CLPB: variants seen among roughly 807,000 people sequenced by gnomAD.
The protein encoded by CLPB is mitochondrial disaggregase.
CLPB carries 40 observed loss-of-function variants against 78.4 expected under a neutral mutation model. The ratio of observed to expected loss-of-function variants is 0.51; its 90% CI spans 0.40 to 0.66. CLPB has a LOEUF of 0.66. CLPB is among the 30% of genes least tolerant of loss of function. CLPB has a pLI of 0.00. For synonymous variants in CLPB, 333 were observed against 348.0 expected (o/e 0.96, Z 0.48); for missense variants, 780 against 886.9 (o/e 0.88, Z 1.53).
At chr11:72,391,069 T>C (rs1855241218) in intron 3 of CLPB, among the ~76,000 whole-genome samples, 1 of 152,236 alleles carries the variant, frequency 6.6e-6, no homozygotes, top group Admixed American at 6.5e-5. Context: ...TATTTACATA[T>C]TAATTGAACT....
At chr11:72,317,841 T>C (rs1287321668) in intron 6 of CLPB, among the ~76,000 whole-genome samples, 1 of 152,182 alleles carries the variant, frequency 6.6e-6, no homozygotes, top group East Asian at 1.9e-4. Context: ...GAGGTTCTAG[T>C]TGATGCTGAG....
At chr11:72,354,407 G>C (rs1950669421) in intron 5 of CLPB, 2 of 398,288 alleles carry the variant, frequency 5.0e-6, no homozygotes, top group Non-Finnish European at 8.9e-6. Context: ...AAGAAAAACG[G>C]CCATGATTAG....
intron 5 of CLPB, among the ~76,000 whole-genome samples, chr11:72,331,227 C>T (rs995003965): frequency 3.3e-5 from 5 of 151,708 alleles, no homozygotes; most frequent in Admixed American, 6.6e-5. Flanking sequence ...CATGGTGAAA[C>T]GCCATCTCTC....
intron 6 of CLPB, 77 bp from the exon 7 acceptor site, chr11:72,317,297 G>A (rs1949964494): frequency 9.3e-7 from 1 of 1,077,818 alleles, no homozygotes. Flanking sequence ...CCCAACTCGG[G>A]GAAAACACAG....
In CLPB at chr11:72,380,350, G is replaced by C; in HGVS notation, c.577C>G (p.Pro193Ala). 6.2e-7 allele frequency: 1 copy of C among 1,614,126 alleles called. No individual in the cohort carries two copies. The highest frequency in any genetic ancestry group is 8.5e-7 in the Non-Finnish European group (1 of 1,179,990). Residue 193 changes from proline to alanine, a missense_variant, in exon 4 of 16, where the codon CCA becomes GCA. By Grantham distance (27) the Pro-to-Ala change is conservative. Around this residue, in one of 3 missense-constraint regions of CLPB, gnomAD observed 417 missense variants for 414.7 expected, o/e 1.01. Coordinates refer to ENST00000538039, the MANE Select transcript of CLPB (RefSeq NM_001258392.3). ...CTGCTGAAATCATCTCCAAGGTTTG[G>C]ATCAGCCCCAGCAGCAAGCAGGACC... ...VQVLLAAGADPNLGDDFSSVY... is the reference protein window; with the variant it reads ...VQVLLAAGADANLGDDFSSVY...
chr11:72,317,240 A>C lies in CLPB; in HGVS notation c.874-20T>G. The C allele has an allele frequency of 6.3e-7, 1 of 1,580,780 alleles. No homozygotes were observed. Among genetic ancestry groups the C allele is most frequent in the Non-Finnish European group, 8.6e-7 (1 of 1,157,458 alleles). Reference sequence around the variant, plus strand: ...TTGGTACTGTGGGGAGAGAGGGCAAATGGTTGAGGGCTGCCGGGCCCATAG... The same window carrying C: ...TTGGTACTGTGGGGAGAGAGGGCAACTGGTTGAGGGCTGCCGGGCCCATAG... On this transcript the variant is annotated intron_variant, in intron 6 of 15. Coordinates refer to ENST00000538039, the MANE Select transcript of CLPB (RefSeq NM_001258392.3).
At chr11:72,383,778 G>C (rs1344860315) in intron 3 of CLPB, among the ~76,000 whole-genome samples, 1 of 152,030 alleles carries the variant, frequency 6.6e-6, no homozygotes, top group African/African-American at 2.4e-5. Flanking sequence ...CTTTCCCAGA[G>C]AAATAAAAGC....
chr11:72,331,073 TTTAATTAAAAATTTTTAATA>T (rs1950216491), intron 5 of CLPB, among the ~76,000 whole-genome samples: 1 of 152,024 alleles, frequency 6.6e-6, no homozygotes. Context: ...TTATTAAAAT[TTTAATTAAAAATTTTTAATA>T]AAACTTTTTT....
chr11:72,400,019 A>G (rs945127926), intron 3 of CLPB, among the ~76,000 whole-genome samples: 23 of 152,136 alleles, frequency 1.5e-4, no homozygotes, highest in Middle Eastern at 3.2e-3. Flanking sequence ...AACAAGTTCT[A>G]CTTTTCCTTT....
intron 10 of CLPB, 30 bp from the exon 11 acceptor site, chr11:72,301,994 G>C: frequency 1.2e-6 from 2 of 1,609,996 alleles, no homozygotes; most frequent in Middle Eastern, 1.7e-4. Flanking sequence ...ATGCTAGGAA[G>C]GCCTTTCTGT....
chr11:72,363,532 A>T (rs1346835815), intron 4 of CLPB: 1 of 152,230 alleles, frequency 6.6e-6, no homozygotes, highest in East Asian at 1.9e-4. Context: ...ATGACTAATA[A>T]GACAAATAAA....
At chr11:72,307,770 C>A (rs1430162178) in intron 8 of CLPB, among the ~76,000 whole-genome samples, 1 of 152,164 alleles carries the variant, frequency 6.6e-6, no homozygotes, top group Non-Finnish European at 1.5e-5. Context: ...AGTGGGGGCT[C>A]TGAAGGGCCA....
At chr11:72,404,070 G>C (rs1280162963) in intron 2 of CLPB, among the ~76,000 whole-genome samples, 8 of 152,190 alleles carry the variant, frequency 5.3e-5, no homozygotes, top group Admixed American at 2.6e-4. Context: ...TGCAGTGACT[G>C]GTTGGCAGTG....
At chr11:72,385,101 T>G (rs1276818785) in intron 3 of CLPB, among the ~76,000 whole-genome samples, 3 of 152,240 alleles carry the variant, frequency 2.0e-5, no homozygotes, top group Admixed American at 1.3e-4. Flanking sequence ...CACATTCTTC[T>G]CAAGCACATG....
chr11:72,345,455 G>A (rs985487903), intron 5 of CLPB, among the ~76,000 whole-genome samples: 1 of 152,186 alleles, frequency 6.6e-6, no homozygotes, highest in African/African-American at 2.4e-5. Flanking sequence ...AGGCAGAAAA[G>A]TGAAATAAGA....
intron 2 of CLPB, among the ~76,000 whole-genome samples, chr11:72,403,400 C>T (rs1855620865): frequency 6.6e-6 from 1 of 152,218 alleles, no homozygotes; most frequent in African/African-American, 2.4e-5. Flanking sequence ...GACACTGTCA[C>T]TCCCTTGGTC....
Position 72,293,357 on chromosome 11 carries a change from CAGGTGGCTGCTAGA to C in CLPB, c.2030_*9del, listed in dbSNP as rs1949484297. ...GATGGTGAGGGCACATAGGAGCAGG[CAGGTGGCTGCTAGA>C]TGGTGTTGCACACCTTCTCAGGGTG... On this transcript the variant is annotated stop_lost and 3_prime_UTR_variant, in exon 16 of 16. Coordinates refer to ENST00000538039, the MANE Select transcript of CLPB (RefSeq NM_001258392.3). 6.2e-7 allele frequency: 1 copy of C among 1,611,136 alleles called. No individual in the cohort carries two copies. The highest frequency in any genetic ancestry group is 1.3e-5 in the African/African-American group (1 of 74,868).
In CLPB at chr11:72,312,857, G is replaced by A. The variant is rs567980314; in HGVS notation, c.988+4249C>T. ...GCTATGAAAACTGTGGGCTCCAAAC[G>A]GGATGGGTGCACAGAGGGAAGTATG... On this transcript the variant is annotated intron_variant, in intron 7 of 15. Coordinates refer to ENST00000538039, the MANE Select transcript of CLPB (RefSeq NM_001258392.3). The surrounding 1 kb of genome is among the most constrained non-coding windows in gnomAD (Gnocchi z 4.2). Among the ~76,000 whole-genome samples, 21 of 152,200 alleles carry A rather than the reference G, an allele frequency of 1.4e-4. No individual in the cohort carries two copies. The highest frequency in any genetic ancestry group is 2.8e-4 in the Non-Finnish European group (19 of 68,044).
chr11:72,398,118 G>A (rs953077617), intron 3 of CLPB, among the ~76,000 whole-genome samples: 33 of 152,316 alleles, frequency 2.2e-4, no homozygotes, highest in African/African-American at 7.5e-4. Flanking sequence ...GTCAACAGTC[G>A]TCACACTCCA....
Sources: allele counts gnomAD v4.1 joint callset (sites outside exome capture counted in the v4.1 genomes callset), GRCh38; gene constraint gnomAD v4.1.1; regional missense constraint gnomAD v4.1.1; non-coding constraint Gnocchi (gnomAD v3.1); transcripts MANE v1.5; gene names NCBI Gene and HGNC (gene_info 2026-07-23, HGNC 2026-07-21).